Variants in CAPZA1 observed in about 807,000 individuals in gnomAD.
CAPZA1 encodes the protein F-actin-capping protein subunit alpha-1.
Under a neutral mutation model 40.8 loss-of-function variants are expected in CAPZA1, and 10 were observed. That is an observed-to-expected ratio of 0.25 (90% confidence interval 0.15 to 0.42). CAPZA1 has a LOEUF of 0.42. Ranked by LOEUF, CAPZA1 falls within the 10% of genes least tolerant of loss-of-function variation. CAPZA1 has a pLI of 1.00. For missense variants in CAPZA1, 277 were observed against 353.8 expected (o/e 0.78, Z 1.74); for synonymous variants, 98 against 115.0 (o/e 0.85, Z 0.95).
intron 7 of CAPZA1, among the ~76,000 whole-genome samples, chr1:112,664,490 T>C (rs537668998): frequency 6.6e-6 from 1 of 152,308 alleles, no homozygotes; most frequent in African/African-American, 2.4e-5. Context: ...AGCTCTGGAA[T>C]TTGACCTAAT....
intron 1 of CAPZA1, among the ~76,000 whole-genome samples, chr1:112,630,092 G>T (rs187161203): frequency 6.6e-6 from 1 of 152,014 alleles, no homozygotes; most frequent in South Asian, 2.1e-4. Flanking sequence ...ACCAAGACTG[G>T]AGTTCAGTGG....
At chr1:112,667,296 C>A (rs1671742522) in intron 8 of CAPZA1, 151 bp downstream of exon 8, 6 of 594,198 alleles carry the variant, frequency 1.0e-5, no homozygotes, top group Non-Finnish European at 1.8e-5. Flanking sequence ...CTCTTATCAC[C>A]AACCAGCATA....
chr1:112,667,681 A>G (rs1671749400), intron 8 of CAPZA1, among the ~76,000 whole-genome samples: 1 of 151,906 alleles, frequency 6.6e-6, no homozygotes, highest in Non-Finnish European at 1.5e-5. Context: ...CCACAGGTGC[A>G]TGCCACCATG....
chr1:112,626,351 T>A (rs1670806416), intron 1 of CAPZA1: 1 of 151,602 alleles, frequency 6.6e-6, no homozygotes, highest in Admixed American at 6.6e-5. Context: ...CCCAATACTT[T>A]GGGAGGCTAA....
chr1:112,637,271 T>G (rs1336605868), intron 1 of CAPZA1, among the ~76,000 whole-genome samples: 1 of 152,250 alleles, frequency 6.6e-6, no homozygotes, highest in East Asian at 1.9e-4. Flanking sequence ...ACAGCTTACA[T>G]AAGAGTTTTA....
intron 1 of CAPZA1, among the ~76,000 whole-genome samples, chr1:112,630,210 T>A (rs1010611262): frequency 3.3e-5 from 5 of 152,186 alleles, no homozygotes; most frequent in South Asian, 2.1e-4. Context: ...AATTTTTAAG[T>A]ATTTTTTTTG....
Position 112,669,578 on chromosome 1 carries a change from CAT to C in CAPZA1, c.695_696del (p.Ile232ArgfsTer6). The part of the protein sequence containing the change: ...AQTAKEFIKI[I>X]ENAENEYQTA... ...AAACTGCCAAGGAGTTTATTAAAAT[CAT>C]AGAGAATGCAGAAAATGAGTATCAG... On this transcript the variant is annotated frameshift_variant, in exon 9 of 10. Transcript: ENST00000263168. LOFTEE classifies it high-confidence loss of function. 6.2e-7 allele frequency: 1 copy of C among 1,609,546 alleles called. No homozygotes were observed. Among genetic ancestry groups the C allele is most frequent in the South Asian group, 1.1e-5 (1 of 90,692 alleles).
chr1:112,659,525 T>TA (rs1403881925), intron 6 of CAPZA1, 176 bp from the exon 7 acceptor site: 2 of 588,316 alleles, frequency 3.4e-6, no homozygotes, highest in Non-Finnish European at 6.0e-6. Flanking sequence ...GATCCAGACT[T>TA]ACATTTGAGT....
chr1:112,620,138 C>G (rs1329744822), intron 1 of CAPZA1: 1 of 400,478 alleles, frequency 2.5e-6, no homozygotes, highest in Non-Finnish European at 4.5e-6. Context: ...TGCAAGGGAA[C>G]AGACGTTTCC....
At chr1:112,638,131 G>C (rs1001214984) in intron 1 of CAPZA1, among the ~76,000 whole-genome samples, 2 of 152,116 alleles carry the variant, frequency 1.3e-5, no homozygotes, top group Non-Finnish European at 2.9e-5. Flanking sequence ...GTTAGGGAAG[G>C]GTAGTTTATT....
At chr1:112,623,665 G>C (rs559210790) in intron 1 of CAPZA1, among the ~76,000 whole-genome samples, 2 of 138,282 alleles carry the variant, frequency 1.4e-5, no homozygotes, top group Admixed American at 7.3e-5. Flanking sequence ...TGGGCAACAG[G>C]AGCGAAACTC....
At chr1:112,646,131 A>C (rs1170211287) in intron 1 of CAPZA1, among the ~76,000 whole-genome samples, 1 of 152,230 alleles carries the variant, frequency 6.6e-6, no homozygotes, top group Non-Finnish European at 1.5e-5. Context: ...ATCCATTTAT[A>C]ATAGTATATC....
In CAPZA1 at chr1:112,648,927, C is replaced by CA. The variant is rs1054545985; in HGVS notation, c.104-490dup. Reference sequence around the variant, plus strand: ...GGAATGACCCAAGATTGCGCCATTGCACTCCAGCCTAGGCGACAGGAGTGA... The same window carrying CA: ...GGAATGACCCAAGATTGCGCCATTGCAACTCCAGCCTAGGCGACAGGAGTGA... On this transcript the variant is annotated intron_variant, in intron 2 of 9. Transcript: ENST00000263168. Among the ~76,000 whole-genome samples the CA allele has an allele frequency of 9.9e-5, 15 of 151,488 alleles. 1 individual carries two copies. Among genetic ancestry groups the CA allele is most frequent in the Admixed American group, 3.3e-4 (5 of 15,186 alleles).
At chr1:112,660,661 G>T (rs924151193) in intron 7 of CAPZA1, among the ~76,000 whole-genome samples, 3 of 152,128 alleles carry the variant, frequency 2.0e-5, no homozygotes, top group African/African-American at 4.8e-5. Flanking sequence ...TGCCTGTCTG[G>T]ATTGAAGTTT....
chr1:112,621,483 C>T (rs1332512509), intron 1 of CAPZA1, among the ~76,000 whole-genome samples: 1 of 152,086 alleles, frequency 6.6e-6, no homozygotes, highest in Non-Finnish European at 1.5e-5. Context: ...AACTCTTGGG[C>T]TCAAACGATC....
At chr1:112,660,112 T>TC (rs545216633) in intron 7 of CAPZA1, among the ~76,000 whole-genome samples, 76 of 152,118 alleles carry the variant, frequency 5.0e-4, no homozygotes, top group African/African-American at 1.8e-3. Flanking sequence ...AGAGTTTCAC[T>TC]CCATCACCCA....
intron 8 of CAPZA1, among the ~76,000 whole-genome samples, chr1:112,668,519 G>A (rs1671769791): frequency 6.6e-6 from 1 of 152,130 alleles, no homozygotes; most frequent in Non-Finnish European, 1.5e-5. Context: ...TTGAGATGAA[G>A]TTTCGCTCTT....
chr1:112,632,727 G>A (rs1288705888), intron 1 of CAPZA1, among the ~76,000 whole-genome samples: 2 of 152,196 alleles, frequency 1.3e-5, no homozygotes, highest in African/African-American at 4.8e-5. Flanking sequence ...CCTAGAGTTT[G>A]TAGAATGTTT....
chr1:112,643,129 T>A (rs1379737242), intron 1 of CAPZA1, among the ~76,000 whole-genome samples: 1 of 152,216 alleles, frequency 6.6e-6, no homozygotes, highest in Non-Finnish European at 1.5e-5. Flanking sequence ...GTAGGATTAC[T>A]GATTTTTTAA....
Sources: gnomAD v4.1 joint callset for allele counts (sites outside exome capture counted in the v4.1 genomes callset) on GRCh38, gnomAD v4.1.1 for gene constraint, MANE v1.5 for transcripts, NCBI Gene and HGNC (gene_info 2026-07-23, HGNC 2026-07-21) for gene names.